The following BIVM variants were observed in gnomAD, a reference collection of about 807,000 sequenced individuals.
BIVM encodes the protein basic immunoglobulin-like variable motif-containing protein.
In BIVM, 31 loss-of-function variants were observed where a neutral mutation model predicts 61.4. That is an observed-to-expected ratio of 0.51 (90% confidence interval 0.38 to 0.68). The LOEUF (loss-of-function observed/expected upper bound fraction) is 0.68. Ranked by LOEUF, BIVM falls within the 30% of genes least tolerant of loss-of-function variation. BIVM has a pLI of 0.00. For missense variants in BIVM, 526 were observed against 596.0 expected (o/e 0.88, Z 1.22); for synonymous variants, 189 against 210.7 (o/e 0.90, Z 0.89).
intron 9 of BIVM, among the ~76,000 whole-genome samples, chr13:102,835,309 T>A (rs573336494): frequency 1.3e-5 from 2 of 152,022 alleles, no homozygotes; most frequent in Non-Finnish European, 2.9e-5. Context: ...CTCATCTGGG[T>A]GACAGAACGA....
rs57377446 is a variant in BIVM at position 102,803,264 on chromosome 13, G to C, written c.-206-2043G>C. Among the ~76,000 whole-genome samples, 519 of 152,024 alleles carry C rather than the reference G, an allele frequency of 3.4e-3. 2 individuals are homozygous for C. Among genetic ancestry groups the C allele is most frequent in the Non-Finnish European group, 5.2e-3 (354 of 67,960 alleles). On this transcript the variant is annotated intron_variant, in intron 1 of 10. Coordinates refer to ENST00000257336, the MANE Select transcript of BIVM (RefSeq NM_017693.4). ...ATTCCTATAATCCCAGCACTTTGGG[G>C]GGCCGAGGCCAGCAGATCACCTGAG...
At chr13:102,804,170 A>C (rs113437291) in intron 1 of BIVM, among the ~76,000 whole-genome samples, 17 of 152,330 alleles carry the variant, frequency 1.1e-4, no homozygotes, top group Admixed American at 9.2e-4. Flanking sequence ...GTTTCGAGAC[A>C]AGATGGAGTG....
rs113342117 is a variant in BIVM at position 102,839,458 on chromosome 13, T to C, written c.1219-114T>C. On this transcript the variant is annotated intron_variant, in intron 10 of 10. Transcript: ENST00000257336. ...GCTCTGATGATGCCTGGAAGGAAAG[T>C]ACCATTCTGAGGCCGGTGAAGTAAA... 9.5e-6 allele frequency: 13 copies of C among 1,368,288 alleles called. No homozygotes were observed. In the African/African-American group the frequency reaches 1.3e-4, roughly 14 times the overall value. 84.8% of individuals were successfully genotyped at this position (1,368,288 alleles called of 1,614,324 possible). A position where few individuals can be genotyped will look rare whatever the true frequency, so the allele number is the denominator to read the frequency against.
chr13:102,833,254 G>GAAAT (rs1482099031), intron 8 of BIVM, among the ~76,000 whole-genome samples: 3 of 147,402 alleles, frequency 2.0e-5, no homozygotes, highest in South Asian at 2.2e-4. Flanking sequence ...AAGAAAGAAA[G>GAAAT]AAAGAATTGG....
At chr13:102,809,626 C>A (rs1329572482) in intron 3 of BIVM, among the ~76,000 whole-genome samples, 1 of 152,148 alleles carries the variant, frequency 6.6e-6, no homozygotes, top group Non-Finnish European at 1.5e-5. Context: ...TGTCTTTTCT[C>A]CATTTAATTT....
At chr13:102,822,482 G>A (rs943745383) in intron 7 of BIVM, among the ~76,000 whole-genome samples, 2 of 152,176 alleles carry the variant, frequency 1.3e-5, no homozygotes, top group South Asian at 2.1e-4. Context: ...GTGTGTACGC[G>A]CACATGCTAG....
chr13:102,804,863 A>G (rs961332467), intron 1 of BIVM, among the ~76,000 whole-genome samples: 9 of 152,222 alleles, frequency 5.9e-5, no homozygotes, highest in African/African-American at 2.2e-4. Context: ...CTGTTTCCTT[A>G]AATTCCATGA....
chr13:102,821,329 C>G (rs1043676572), intron 5 of BIVM, among the ~76,000 whole-genome samples, 197 bp downstream of exon 5: 5 of 152,122 alleles, frequency 3.3e-5, no homozygotes, highest in African/African-American at 7.2e-5. Flanking sequence ...TACAGTGGCC[C>G]ACACTTGTAA....
intron 7 of BIVM, among the ~76,000 whole-genome samples, chr13:102,826,189 T>C (rs1235094304): frequency 6.6e-6 from 1 of 152,134 alleles, no homozygotes; most frequent in African/African-American, 2.4e-5. Flanking sequence ...AGGAAAATGT[T>C]TTCTCTTTCC....
chr13:102,821,179 A>G (rs928278660), intron 5 of BIVM, 47 bp downstream of exon 5: 6 of 1,525,722 alleles, frequency 3.9e-6, no homozygotes, highest in African/African-American at 1.4e-5. Flanking sequence ...AAGTAATTTG[A>G]TGTTGCTTTT....
intron 7 of BIVM, among the ~76,000 whole-genome samples, chr13:102,826,577 A>G (rs982752562): frequency 2.0e-5 from 3 of 152,188 alleles, no homozygotes; most frequent in African/African-American, 7.2e-5. Context: ...AGAAATAATC[A>G]CTGGAACGAA....
rs1010305196 is a variant in BIVM at position 102,829,884 on chromosome 13, T to A, written c.902-1681T>A. ...ATAAATAATTAAATAAATGCTGTAT[T>A]TACTATCTTTTATTTCAGAGGGTGA... On this transcript the variant is annotated intron_variant, in intron 7 of 10. Transcript: ENST00000257336. Among the ~76,000 whole-genome samples the A allele has an allele frequency of 1.2e-4, 19 of 152,164 alleles. 1 individual carries two copies. Among genetic ancestry groups the A allele is most frequent in the Non-Finnish European group, 2.9e-5 (2 of 68,028 alleles).
At chr13:102,816,020 C>T (rs1192657797) in intron 3 of BIVM, among the ~76,000 whole-genome samples, 1 of 152,126 alleles carries the variant, frequency 6.6e-6, no homozygotes, top group African/African-American at 2.4e-5. Context: ...AGAAAGCCTT[C>T]ATTTTCTGGA....
chr13:102,807,435 T>C lies in BIVM; in HGVS notation c.168T>C (p.Ser56=). 1 of 1,614,054 alleles carries C rather than the reference T, an allele frequency of 6.2e-7. No homozygotes were observed. The highest frequency in any genetic ancestry group is 8.5e-7 in the Non-Finnish European group (1 of 1,180,014). The change falls in exon 3 of 11, where the codon AGT becomes AGC. Residue 56 remains serine (S), a synonymous_variant. Coordinates refer to ENST00000257336, the MANE Select transcript of BIVM (RefSeq NM_017693.4). This position sits in a 1 kb window ranked among gnomAD's most constrained non-coding sequence, Gnocchi z 4.0. ...GPKGDGHYPW[S]CPVTHTREKI... Reference sequence around the variant, plus strand: ...AAGGAGATGGTCATTATCCATGGAGTTGTCCAGTGACTCATACACGGGAAA... The same window carrying C: ...AAGGAGATGGTCATTATCCATGGAGCTGTCCAGTGACTCATACACGGGAAA...
At chr13:102,822,607 G>A (rs1880375211) in intron 7 of BIVM, among the ~76,000 whole-genome samples, 1 of 152,212 alleles carries the variant, frequency 6.6e-6, no homozygotes, top group African/African-American at 2.4e-5. Flanking sequence ...CAGGAAAATA[G>A]ACTGTTGAAG....
At chr13:102,836,227 G>C (rs1413028092) in intron 9 of BIVM, among the ~76,000 whole-genome samples, 1 of 152,034 alleles carries the variant, frequency 6.6e-6, no homozygotes, top group African/African-American at 2.4e-5. Context: ...GCCTCTATAA[G>C]AAATTTTTGC....
At chr13:102,817,544 A>AGTGACAGAG (rs1369852341) in intron 4 of BIVM, among the ~76,000 whole-genome samples, 3 of 152,214 alleles carry the variant, frequency 2.0e-5, no homozygotes, top group Non-Finnish European at 4.4e-5. Context: ...TAATCAGTAG[A>AGTGACAGAG]GTGACAGAGT....
chr13:102,833,954 A>G (rs529256077), intron 8 of BIVM, among the ~76,000 whole-genome samples: 9 of 152,220 alleles, frequency 5.9e-5, no homozygotes, highest in African/African-American at 2.2e-4. Flanking sequence ...ACCCTTTAAA[A>G]GAGAGTCCCT....
At chr13:102,822,249 C>T in intron 7 of BIVM, 90 bp downstream of exon 7, 3 of 1,284,894 alleles carry the variant, frequency 2.3e-6, no homozygotes, top group Admixed American at 2.1e-5. Flanking sequence ...GTCTCAAAGA[C>T]TGCCTGTTTA....
Sources: gnomAD v4.1 joint callset for allele counts (sites outside exome capture counted in the v4.1 genomes callset) on GRCh38, gnomAD v4.1.1 for gene constraint, Gnocchi (gnomAD v3.1) non-coding constraint, MANE v1.5 for transcripts, NCBI Gene and HGNC (gene_info 2026-07-23, HGNC 2026-07-21) for gene names.